Variants in SORCS3 observed in about 807,000 individuals in gnomAD.
The protein encoded by SORCS3 is VPS10 domain-containing receptor SorCS3.
SORCS3 carries 57 observed loss-of-function variants against 146.3 expected under a neutral mutation model. The observed-to-expected ratio is 0.39, with a 90% CI of 0.31 to 0.49. The LOEUF is 0.49. SORCS3 is among the 20% of genes least tolerant of loss of function. SORCS3 has a pLI of 0.92. For missense variants in SORCS3, 1,341 were observed against 1,575.5 expected (o/e 0.85, Z 2.52); for synonymous variants, 653 against 618.5 (o/e 1.06, Z -0.83).
chr10:105,089,904 A>G lies in SORCS3; in HGVS notation c.1093+65A>G, dbSNP rs929671002. 27 of 1,308,418 alleles carry G rather than the reference A, an allele frequency of 2.1e-5. No individual in the cohort carries two copies. In the African/African-American group the frequency reaches 2.3e-4, roughly 11 times the overall value. The allele number at this position is 1,308,418 out of a possible 1,614,324, so 81.1% of individuals were successfully genotyped here. A position where few individuals can be genotyped will look rare whatever the true frequency, so the allele number is the denominator to read the frequency against. On this transcript the variant is annotated intron_variant, in intron 6 of 26. Transcript: ENST00000369701. ...GCCTGCAGGTCTCTGTCCTCCCCCA[A>G]TTTGCATTTTAATATCTTGGGAAGA...
chr10:104,908,415 A>G (rs147396505), intron 2 of SORCS3, among the ~76,000 whole-genome samples: 404 of 152,362 alleles, frequency 2.7e-3, no homozygotes, highest in Non-Finnish European at 3.9e-3. Flanking sequence ...ATTCATAAAA[A>G]TGACAGCCAT....
chr10:104,872,787 T>C (rs1304198560), intron 2 of SORCS3, among the ~76,000 whole-genome samples: 19 of 152,136 alleles, frequency 1.2e-4, no homozygotes. Flanking sequence ...CATGCTCATG[T>C]CCACTCCCAC....
At chr10:105,211,563 T>A (rs949820268) in intron 17 of SORCS3, among the ~76,000 whole-genome samples, 20 of 152,192 alleles carry the variant, frequency 1.3e-4, no homozygotes, top group African/African-American at 4.8e-4. Context: ...GTGAATTAAA[T>A]TCATACAAGT....
intron 2 of SORCS3, among the ~76,000 whole-genome samples, chr10:104,898,378 C>A (rs2133588225): frequency 6.6e-6 from 1 of 152,286 alleles, no homozygotes; most frequent in South Asian, 2.1e-4. Flanking sequence ...AGGGACTCAG[C>A]AAATTGTATT....
At chr10:105,226,989 T>C (rs1411167524) in intron 20 of SORCS3, among the ~76,000 whole-genome samples, 1 of 152,012 alleles carries the variant, frequency 6.6e-6, no homozygotes, top group East Asian at 1.9e-4. Context: ...TTTGTTTATC[T>C]TTTCAAAAAA....
At chr10:105,128,674 C>T (rs1021439104) in intron 7 of SORCS3, among the ~76,000 whole-genome samples, 7 of 152,146 alleles carry the variant, frequency 4.6e-5, no homozygotes, top group Admixed American at 3.9e-4. Context: ...GCCCTTCCTT[C>T]TGTGCATAGT....
intron 1 of SORCS3, among the ~76,000 whole-genome samples, chr10:104,819,930 G>A (rs1469866695): frequency 6.6e-6 from 1 of 152,170 alleles, no homozygotes; most frequent in Admixed American, 6.6e-5. Flanking sequence ...AATCAAACCT[G>A]CCGTTTATTG....
intron 7 of SORCS3, among the ~76,000 whole-genome samples, chr10:105,108,241 G>A (rs1212098517): frequency 1.3e-5 from 2 of 152,138 alleles, no homozygotes; most frequent in Non-Finnish European, 2.9e-5. Flanking sequence ...CAGGTTGTCA[G>A]GCCTTGGCTT....
At chr10:104,791,869 A>G (rs1464782209) in intron 1 of SORCS3, among the ~76,000 whole-genome samples, 1 of 152,168 alleles carries the variant, frequency 6.6e-6, no homozygotes, top group Non-Finnish European at 1.5e-5. Context: ...GTTCATTCTC[A>G]ACAGAAAAAT....
intron 1 of SORCS3, among the ~76,000 whole-genome samples, chr10:104,711,438 G>C (rs1223172955): frequency 2.0e-5 from 3 of 152,208 alleles, no homozygotes; most frequent in Non-Finnish European, 4.4e-5. Context: ...ACTGAGGCTG[G>C]AAAGGTCAAG....
chr10:105,167,410 G>A (rs2056323228), intron 13 of SORCS3, 61 bp downstream of exon 13: 1 of 1,207,620 alleles, frequency 8.3e-7, no homozygotes, highest in African/African-American at 1.5e-5. Context: ...GGAGAGGATT[G>A]TGATGAGTTA....
At chr10:105,101,624 C>G (rs1165350298) in intron 6 of SORCS3, among the ~76,000 whole-genome samples, 1 of 152,190 alleles carries the variant, frequency 6.6e-6, no homozygotes, top group Non-Finnish European at 1.5e-5. Flanking sequence ...AACATTATAC[C>G]TGCTATGGGC....
intron 19 of SORCS3, among the ~76,000 whole-genome samples, chr10:105,222,044 C>CTTTTTTTTT (rs34795700): frequency 1.3e-5 from 1 of 76,492 alleles, no homozygotes; most frequent in African/African-American, 5.4e-5. Context: ...TACCTTAACA[C>CTTTTTTTTT]TTTTTTTTTT....
chr10:105,043,077 G>A lies in SORCS3; in HGVS notation c.977G>A (p.Gly326Glu). 6.2e-7 allele frequency: 1 copy of A among 1,613,802 alleles called. No homozygotes were observed. ...DQKLYSSMDF[G>E]RRWQLMHERI... Reference sequence around the variant, plus strand: ...CAGCTCTACAGCTCCATGGACTTTGGAAGACGGTGGCAACTCATGCATGAA... The same window carrying A: ...CAGCTCTACAGCTCCATGGACTTTGAAAGACGGTGGCAACTCATGCATGAA... Residue 326 changes from glycine to glutamate, a missense_variant, in exon 5 of 27, where the codon GGA becomes GAA. Transcript: ENST00000369701.
chr10:104,668,478 G>A (rs967003408), intron 1 of SORCS3, among the ~76,000 whole-genome samples: 1 of 152,160 alleles, frequency 6.6e-6, no homozygotes, highest in African/African-American at 2.4e-5. Context: ...TCTTGGGCAA[G>A]TTACCTGTAT....
intron 5 of SORCS3, among the ~76,000 whole-genome samples, chr10:105,043,824 A>G (rs1183938169): frequency 6.6e-6 from 1 of 152,180 alleles, no homozygotes; most frequent in African/African-American, 2.4e-5. Context: ...ACATGTTTCA[A>G]ATGGAATATA....
chr10:104,658,538 G>A (rs1283320871), intron 1 of SORCS3, among the ~76,000 whole-genome samples: 1 of 152,158 alleles, frequency 6.6e-6, no homozygotes, highest in East Asian at 1.9e-4. Flanking sequence ...TATTTTTAGT[G>A]TAGGCAACAG....
chr10:104,916,739 A>G (rs1011131460), intron 3 of SORCS3, among the ~76,000 whole-genome samples: 1 of 152,078 alleles, frequency 6.6e-6, no homozygotes, highest in African/African-American at 2.4e-5. Context: ...GACCATATTA[A>G]AGGTCATTTT....
At chr10:104,925,368 A>G (rs2019131153) in intron 3 of SORCS3, among the ~76,000 whole-genome samples, 1 of 152,190 alleles carries the variant, frequency 6.6e-6, no homozygotes, top group Non-Finnish European at 1.5e-5. Context: ...ACCAGGTTAA[A>G]CCACTTAATT....
Sources: allele counts gnomAD v4.1 joint callset (sites outside exome capture counted in the v4.1 genomes callset), GRCh38; gene constraint gnomAD v4.1.1; transcripts MANE v1.5; gene names NCBI Gene and HGNC (gene_info 2026-07-23, HGNC 2026-07-21).